The following PPP1R13B variants were observed in gnomAD, a reference collection of about 807,000 sequenced individuals.
PPP1R13B encodes protein phosphatase 1 regulatory subunit 13B, also known as apoptosis-stimulating of p53 protein 1.
In PPP1R13B, 44 loss-of-function variants were observed where a neutral mutation model predicts 119.8. The observed-to-expected ratio is 0.37, with a 90% CI of 0.29 to 0.47. The LOEUF (loss-of-function observed/expected upper bound fraction) is 0.47, where lower values mean the gene tolerates loss of function less well. PPP1R13B is among the 20% of genes least tolerant of loss of function. PPP1R13B has a pLI of 0.99. For missense variants in PPP1R13B, 1,227 were observed against 1,413.5 expected (o/e 0.87, Z 2.12); for synonymous variants, 542 against 561.5 (o/e 0.97, Z 0.49).
chr14:103,840,041 T>C (rs947217599), intron 1 of PPP1R13B: 19 of 152,238 alleles, frequency 1.2e-4, no homozygotes, highest in Admixed American at 7.2e-4. Context: ...CCAAAGATTC[T>C]TATTTTACAA....
At chr14:103,743,006 C>T (rs1227631105) in intron 9 of PPP1R13B, 183 bp from the exon 10 acceptor site, 2 of 648,470 alleles carry the variant, frequency 3.1e-6, no homozygotes, top group Non-Finnish European at 5.2e-6. Flanking sequence ...CCCACAGACC[C>T]GTGCACAAGA....
rs77003719 is a variant in PPP1R13B at position 103,818,803 on chromosome 14, T to C, written c.10-21285A>G. ...TTTGGCACTGACAAAATGGACAGGG[T>C]TCTGCCCTTATGGAATTCTTACTAT... On this transcript the variant is annotated intron_variant, in intron 1 of 16. Transcript: ENST00000202556. 2.3e-3 allele frequency among the ~76,000 whole-genome samples: 350 copies of C among 152,294 alleles called. 1 individual carries two copies. Among genetic ancestry groups the C allele is most frequent in the African/African-American group, 8.1e-3 (335 of 41,558 alleles).
chr14:103,822,938 C>A (rs942021879), intron 1 of PPP1R13B, among the ~76,000 whole-genome samples: 1 of 152,164 alleles, frequency 6.6e-6, no homozygotes, highest in Non-Finnish European at 1.5e-5. Context: ...GAGAAGCAGA[C>A]TCAAGAGATG....
intron 1 of PPP1R13B, among the ~76,000 whole-genome samples, chr14:103,824,852 C>T (rs1393009967): frequency 6.6e-6 from 1 of 152,162 alleles, no homozygotes; most frequent in Non-Finnish European, 1.5e-5. Context: ...TTTCACAATG[C>T]CCTGGCATTT....
chr14:103,782,622 G>A (rs1457411569), intron 3 of PPP1R13B, among the ~76,000 whole-genome samples: 2 of 152,174 alleles, frequency 1.3e-5, no homozygotes, highest in African/African-American at 4.8e-5. Context: ...CAGAGTCCTT[G>A]TCAACACTGT....
At chr14:103,753,984 T>G (rs1424287595) in intron 6 of PPP1R13B, 86 bp downstream of exon 6, 2 of 1,466,018 alleles carry the variant, frequency 1.4e-6, no homozygotes, top group Admixed American at 2.1e-5. Flanking sequence ...TGTGAATTTG[T>G]GACTGAATTG....
rs949224394 is a variant in PPP1R13B, at chr14:103,842,461, C to T, written c.9+4838G>A. On this transcript the variant is annotated intron_variant, in intron 1 of 16. Coordinates refer to ENST00000202556, the MANE Select transcript of PPP1R13B (RefSeq NM_015316.3). ...GGGACTACAGGCACCCTCCATCACA[C>T]CTGGCTAATTTTTGTATTTTTAGTA... Among the ~76,000 whole-genome samples, 3 of 151,834 alleles carry T rather than the reference C, an allele frequency of 2.0e-5. No individual in the cohort carries two copies. In the East Asian group the frequency reaches 5.8e-4, roughly 30 times the overall value.
chr14:103,735,876 T>C, intron 16 of PPP1R13B, 127 bp downstream of exon 16: 1 of 1,071,906 alleles, frequency 9.3e-7, no homozygotes, highest in Non-Finnish European at 1.4e-6. Flanking sequence ...CACCTCCCCC[T>C]CTACAGAGGG....
At chr14:103,845,640 G>C (rs2087011441) in intron 1 of PPP1R13B, among the ~76,000 whole-genome samples, 2 of 152,124 alleles carry the variant, frequency 1.3e-5, no homozygotes, top group South Asian at 4.1e-4. Flanking sequence ...TGTAAGCCAA[G>C]TTTCTTAGCA....
At chr14:103,769,717 A>G (rs1439521626) in intron 4 of PPP1R13B, among the ~76,000 whole-genome samples, 2 of 152,214 alleles carry the variant, frequency 1.3e-5, no homozygotes, top group Non-Finnish European at 2.9e-5. Context: ...TCAAGGTTAT[A>G]TATCTTCTGG....
In PPP1R13B at chr14:103,754,231, T is replaced by C. The variant is rs938306180; in HGVS notation, c.470A>G (p.His157Arg). 4 of 1,611,624 alleles carry C rather than the reference T, an allele frequency of 2.5e-6. No homozygotes were observed. The African/African-American group carries it at 4.0e-5, about 16-fold the overall frequency. ...QMLVAKEQRLHFLKQQERRQQ... is the reference protein window; with the variant it reads ...QMLVAKEQRLRFLKQQERRQQ... The stretch of plus-strand genomic sequence containing the variant: ...ACGGCGCTCCTGTTGCTTTAGAAAA[T>C]GTAAACGCTGTTCCTAACAAAAGAA... The change falls in exon 6 of 17, where the codon CAT becomes CGT. Residue 157 changes from histidine to arginine, a missense_variant. By Grantham distance (29) the His-to-Arg change is conservative. Coordinates refer to ENST00000202556, the MANE Select transcript of PPP1R13B (RefSeq NM_015316.3).
chr14:103,827,322 C>A (rs1391969422), intron 1 of PPP1R13B, among the ~76,000 whole-genome samples: 5 of 151,802 alleles, frequency 3.3e-5, no homozygotes, highest in African/African-American at 1.2e-4. Context: ...AGCGACAGAG[C>A]GAGACTCCAA....
chr14:103,774,428 CG>C (rs1249931860), intron 4 of PPP1R13B, among the ~76,000 whole-genome samples: 2 of 152,322 alleles, frequency 1.3e-5, no homozygotes, highest in East Asian at 3.9e-4. Flanking sequence ...TAGCAAACCA[CG>C]GAACCTGGGG....
At chr14:103,766,619 GT>G (rs1260824939) in intron 4 of PPP1R13B, among the ~76,000 whole-genome samples, 1 of 152,000 alleles carries the variant, frequency 6.6e-6, no homozygotes, top group Non-Finnish European at 1.5e-5. Flanking sequence ...TTTTTTGTTT[GT>G]TTTTTTCAGA....
At chr14:103,827,801 G>A (rs528007839) in intron 1 of PPP1R13B, among the ~76,000 whole-genome samples, 2 of 151,920 alleles carry the variant, frequency 1.3e-5, no homozygotes, top group Admixed American at 1.3e-4. Context: ...TTTAATCATG[G>A]AACTTAGCTA....
At chr14:103,775,153 T>C (rs575250725) in intron 4 of PPP1R13B, among the ~76,000 whole-genome samples, 1 of 152,164 alleles carries the variant, frequency 6.6e-6, no homozygotes, top group Non-Finnish European at 1.5e-5. Context: ...CCATATATTA[T>C]ATCATATACA....
intron 1 of PPP1R13B, among the ~76,000 whole-genome samples, chr14:103,806,621 A>G (rs1170872978): frequency 6.6e-6 from 1 of 152,156 alleles, no homozygotes. Flanking sequence ...AAAATCTCAG[A>G]AACATTAGAG....
Position 103,847,407 on chromosome 14 carries a change from C to T in PPP1R13B, c.-100G>A, listed in dbSNP as rs1348932558. Reference sequence around the variant, plus strand: ...GCCGCCTCCTAAGGCCGCGCTCCCGCCGCCGTGCTCTCCGGCCCGGCCGCG... The same window carrying T: ...GCCGCCTCCTAAGGCCGCGCTCCCGTCGCCGTGCTCTCCGGCCCGGCCGCG... On this transcript the variant is annotated 5_prime_UTR_variant, in exon 1 of 17. Coordinates refer to ENST00000202556, the MANE Select transcript of PPP1R13B (RefSeq NM_015316.3). The T allele has an allele frequency of 5.8e-6, 6 of 1,038,824 alleles. No individual in the cohort carries two copies. The highest frequency in any genetic ancestry group is 6.9e-6 in the Non-Finnish European group (6 of 865,778). The allele number at this position is 1,038,824 out of a possible 1,614,324, so 64.4% of individuals were successfully genotyped here. A position where few individuals can be genotyped will look rare whatever the true frequency, so the allele number is the denominator to read the frequency against.
In PPP1R13B at chr14:103,765,946, T is replaced by A. The variant is rs774426521; in HGVS notation, c.355-8195A>T. ...ACATATACCCAAGTTTACAGTTGTC[T>A]TAGATGATGCTTACAAAAACTCTCG... On this transcript the variant is annotated intron_variant, in intron 4 of 16. Transcript: ENST00000202556. Among the ~76,000 whole-genome samples the A allele has an allele frequency of 4.9e-4, 75 of 151,748 alleles. 1 individual carries two copies. Among genetic ancestry groups the A allele is most frequent in the Middle Eastern group, 3.4e-3 (1 of 292 alleles).
Sources: gnomAD v4.1 joint callset for allele counts (sites outside exome capture counted in the v4.1 genomes callset) on GRCh38, gnomAD v4.1.1 for gene constraint, MANE v1.5 for transcripts, NCBI Gene and HGNC (gene_info 2026-07-23, HGNC 2026-07-21) for gene names.